The following CCDC146 variants were observed in gnomAD, a reference collection of about 807,000 sequenced individuals.
The protein encoded by CCDC146 is coiled-coil domain-containing protein 146.
Under a neutral mutation model 119.3 loss-of-function variants are expected in CCDC146, and 92 were observed. That is an observed-to-expected ratio of 0.77 (90% CI 0.65 to 0.92). CCDC146 has a LOEUF of 0.92. CCDC146 is among the 40% of genes least tolerant of loss of function. CCDC146 has a pLI of 0.00. For missense variants in CCDC146, 1,000 were observed against 1,103.0 expected (o/e 0.91, Z 1.32); for synonymous variants, 372 against 371.8 (o/e 1.00, Z -0.01).
chr7:77,132,553 CA>C (rs58502705), intron 1 of CCDC146, among the ~76,000 whole-genome samples: 14 of 107,140 alleles, frequency 1.3e-4, no homozygotes, highest in African/African-American at 3.1e-4. Flanking sequence ...TCGATCTCTA[CA>C]AAAAAAAAAA....
At chr7:77,201,496 G>T (rs1381032851) in intron 2 of CCDC146, among the ~76,000 whole-genome samples, 4 of 151,738 alleles carry the variant, frequency 2.6e-5, no homozygotes, top group Non-Finnish European at 2.9e-5. Flanking sequence ...GGAGGTTGCA[G>T]TGAGCCTAGA....
intron 2 of CCDC146, among the ~76,000 whole-genome samples, chr7:77,189,739 A>G (rs1275614455): frequency 5.3e-5 from 8 of 152,116 alleles, no homozygotes; most frequent in Admixed American, 3.9e-4. Flanking sequence ...CAAACATGCT[A>G]TCCACTCTTC....
At chr7:77,197,825 G>A (rs911480089) in intron 2 of CCDC146, among the ~76,000 whole-genome samples, 1 of 151,992 alleles carries the variant, frequency 6.6e-6, no homozygotes, top group Non-Finnish European at 1.5e-5. Context: ...CACATGTTGG[G>A]TTTCTAGAAA....
chr7:77,212,155 T>G (rs936577760), intron 2 of CCDC146, among the ~76,000 whole-genome samples: 6 of 152,148 alleles, frequency 3.9e-5, no homozygotes, highest in African/African-American at 1.4e-4. Flanking sequence ...AATGCCTACA[T>G]AAAAAATACA....
At chr7:77,133,874 T>C (rs1056076621) in intron 1 of CCDC146, among the ~76,000 whole-genome samples, 1 of 146,512 alleles carries the variant, frequency 6.8e-6, no homozygotes, top group African/African-American at 2.7e-5. Context: ...CATATATGCT[T>C]CTATATGAGT....
At chr7:77,269,946 C>T (rs575385182) in intron 9 of CCDC146, among the ~76,000 whole-genome samples, 6 of 152,272 alleles carry the variant, frequency 3.9e-5, no homozygotes, top group South Asian at 2.1e-4. Context: ...GACTTGCATG[C>T]AATCCAAAAC....
At chr7:77,266,813 C>A (rs1476417830) in intron 9 of CCDC146, among the ~76,000 whole-genome samples, 1 of 152,058 alleles carries the variant, frequency 6.6e-6, no homozygotes, top group Non-Finnish European at 1.5e-5. Context: ...TTAAGTGACA[C>A]ATTCATGTGT....
chr7:77,280,980 G>A (rs1793752448), intron 14 of CCDC146, among the ~76,000 whole-genome samples: 1 of 152,164 alleles, frequency 6.6e-6, no homozygotes, highest in South Asian at 2.1e-4. Context: ...GTGGGGGCCT[G>A]TAATCCCAGC....
In CCDC146 at chr7:77,258,406, T is replaced by C. The variant is rs139099362; in HGVS notation, c.685-589T>C. Among the ~76,000 whole-genome samples the C allele has an allele frequency of 2.0e-5, 3 of 152,312 alleles. No homozygotes were observed. In the East Asian group the frequency reaches 5.8e-4, roughly 29 times the overall value. On this transcript the variant is annotated intron_variant, in intron 6 of 18. Transcript: ENST00000285871. ...GGTTCAGCTTATGATTTTTCTACTT[T>C]ACAGTGGTGTGAAAGCAGTATGCAT...
At chr7:77,218,946 G>A (rs1039743086) in intron 2 of CCDC146, among the ~76,000 whole-genome samples, 9 of 152,034 alleles carry the variant, frequency 5.9e-5, no homozygotes, top group African/African-American at 2.2e-4. Context: ...CCTGCAGAGT[G>A]TATTTATACT....
chr7:77,144,280 T>G (rs1290766127), intron 1 of CCDC146, among the ~76,000 whole-genome samples: 1 of 151,834 alleles, frequency 6.6e-6, no homozygotes, highest in Admixed American at 6.6e-5. Flanking sequence ...TCCTGAGATT[T>G]TGCTGAAGTT....
intron 4 of CCDC146, among the ~76,000 whole-genome samples, chr7:77,244,419 C>A (rs2150492771): frequency 6.6e-6 from 1 of 152,330 alleles, no homozygotes; most frequent in Non-Finnish European, 1.5e-5. Flanking sequence ...CCCACTGACT[C>A]ACCCTGAGCA....
intron 2 of CCDC146, among the ~76,000 whole-genome samples, chr7:77,179,860 A>G (rs949676738): frequency 6.6e-6 from 1 of 152,148 alleles, no homozygotes; most frequent in African/African-American, 2.4e-5. Context: ...CAACTCCCCA[A>G]TTCCCCTTTT....
chr7:77,223,756 T>C lies in CCDC146; in HGVS notation c.157-13191T>C, dbSNP rs969278940. ...ACAGTTAATGGAAATTATTAAACACTTATAGGATGTCAAATTATGTGTGAG... is the reference window on the plus strand; with the variant it reads ...ACAGTTAATGGAAATTATTAAACACCTATAGGATGTCAAATTATGTGTGAG... On this transcript the variant is annotated intron_variant, in intron 2 of 18. Coordinates refer to ENST00000285871, the MANE Select transcript of CCDC146 (RefSeq NM_020879.3). Among the ~76,000 whole-genome samples the C allele has an allele frequency of 4.6e-5, 7 of 152,214 alleles. No homozygotes were observed. In the East Asian group the frequency reaches 9.6e-4, roughly 21 times the overall value.
Position 77,273,749 on chromosome 7 carries a change from A to G in CCDC146, c.1229A>G (p.His410Arg). Reference protein sequence around the residue: ...STLSERRRELHKEVEVAKRNL... With the variant: ...STLSERRRELRKEVEVAKRNL... ...TTATCTGAGAGAAGGCGAGAGCTTCACAAGGAAGTTGAAGTAGCTAAGAGG... is the reference window on the plus strand; with the variant it reads ...TTATCTGAGAGAAGGCGAGAGCTTCGCAAGGAAGTTGAAGTAGCTAAGAGG... The change falls in exon 10 of 19, where the codon CAC (histidine) becomes CGC (arginine). Residue 410 changes from histidine (H) to arginine (R), a missense_variant. His to Arg is a conservative substitution (Grantham distance 29). Coordinates refer to ENST00000285871, the MANE Select transcript of CCDC146 (RefSeq NM_020879.3). 6.2e-7 allele frequency: 1 copy of G among 1,610,944 alleles called. No homozygotes were observed. Among genetic ancestry groups the G allele is most frequent in the Non-Finnish European group, 8.5e-7 (1 of 1,177,926 alleles).
At chr7:77,188,236 C>T (rs1413274451) in intron 2 of CCDC146, among the ~76,000 whole-genome samples, 2 of 152,106 alleles carry the variant, frequency 1.3e-5, no homozygotes, top group African/African-American at 4.8e-5. Flanking sequence ...TTTCCTTTAT[C>T]ACCCCAGTTA....
intron 2 of CCDC146, among the ~76,000 whole-genome samples, chr7:77,172,561 T>C (rs552820417): frequency 6.6e-5 from 10 of 152,346 alleles, no homozygotes; most frequent in African/African-American, 2.2e-4. Context: ...TCGTCTCATA[T>C]TGCCTGAAGA....
At chr7:77,199,180 C>T (rs909809705) in intron 2 of CCDC146, 1 of 1,611,626 alleles carries the variant, frequency 6.2e-7, no homozygotes, top group South Asian at 1.1e-5. Flanking sequence ...ATTATACATA[C>T]CTGGACGTGA....
chr7:77,199,354 G>A, intron 2 of CCDC146: 12 of 1,613,846 alleles, frequency 7.4e-6, no homozygotes, highest in Non-Finnish European at 9.3e-6. Context: ...CTCCTCTTTG[G>A]CATTCTTTAG....
Sources: allele counts gnomAD v4.1 joint callset (sites outside exome capture counted in the v4.1 genomes callset), GRCh38; gene constraint gnomAD v4.1.1; transcripts MANE v1.5; gene names NCBI Gene and HGNC (gene_info 2026-07-23, HGNC 2026-07-21).